PATJ: variants seen among roughly 807,000 people sequenced by gnomAD.
The protein encoded by PATJ is inaD-like protein.
Under a neutral mutation model 224.9 loss-of-function variants are expected in PATJ, and 190 were observed. The observed-to-expected ratio is 0.84, with a 90% confidence interval of 0.75 to 0.95. The LOEUF is 0.95. PATJ is among the 40% of genes least tolerant of loss of function. The probability of loss-of-function intolerance (pLI) is 0.00; values close to 1 mark genes in which losing one functional copy is unlikely to be tolerated. For synonymous variants in PATJ, 769 were observed against 820.3 expected (o/e 0.94, Z 1.07); for missense variants, 2,121 against 2,270.3 (o/e 0.93, Z 1.34).
At chr1:61,795,909 CTCTT>C (rs1426006471) in intron 10 of PATJ, among the ~76,000 whole-genome samples, 44 of 152,248 alleles carry the variant, frequency 2.9e-4, no homozygotes, top group African/African-American at 4.8e-5. Context: ...CATTAACCAG[CTCTT>C]TCTATCTTTT....
intron 42 of PATJ, among the ~76,000 whole-genome samples, chr1:62,150,208 T>TA (rs1047207265): frequency 6.6e-6 from 1 of 152,120 alleles, no homozygotes; most frequent in African/African-American, 2.4e-5. Flanking sequence ...CATTCACCTA[T>TA]AGGGGGCAAT....
chr1:61,888,436 A>T (rs112918997), intron 22 of PATJ, among the ~76,000 whole-genome samples: 7,996 of 151,506 alleles, frequency 0.053, 254 homozygotes, highest in African/African-American at 0.068. Context: ...GCCACCAAGC[A>T]TGGCTAATTT....
intron 28 of PATJ, among the ~76,000 whole-genome samples, chr1:62,008,437 G>A (rs1011899144): frequency 6.6e-6 from 1 of 152,156 alleles, no homozygotes; most frequent in Non-Finnish European, 1.5e-5. Flanking sequence ...ATGAATGTGG[G>A]AAAAAGATAT....
intron 1 of PATJ, among the ~76,000 whole-genome samples, chr1:61,755,624 C>T (rs147541260): frequency 8.5e-5 from 13 of 152,252 alleles, no homozygotes; most frequent in African/African-American, 2.9e-4. Context: ...AAAGACCAGT[C>T]TGCTTAGCAT....
At chr1:61,797,740 A>G (rs2148559812) in intron 11 of PATJ, among the ~76,000 whole-genome samples, 1 of 152,296 alleles carries the variant, frequency 6.6e-6, no homozygotes, top group South Asian at 2.1e-4. Flanking sequence ...TAAAGCTTTG[A>G]CACCTTTTGT....
chr1:61,757,679 C>T (rs1026076196), intron 1 of PATJ, among the ~76,000 whole-genome samples: 1 of 152,172 alleles, frequency 6.6e-6, no homozygotes, highest in African/African-American at 2.4e-5. Context: ...AGCCACTATG[C>T]CTGGCTCCCT....
intron 29 of PATJ, among the ~76,000 whole-genome samples, chr1:62,028,218 G>C (rs114949944): frequency 6.6e-6 from 1 of 151,996 alleles, no homozygotes; most frequent in Non-Finnish European, 1.5e-5. Context: ...TAGAGTTGAG[G>C]ATCTCTCTAT....
chr1:61,908,898 C>T (rs1392266489), intron 25 of PATJ, among the ~76,000 whole-genome samples: 2 of 152,156 alleles, frequency 1.3e-5, no homozygotes, highest in African/African-American at 2.4e-5. Flanking sequence ...AAAATAAAAA[C>T]GTGTTGACAT....
intron 17 of PATJ, among the ~76,000 whole-genome samples, chr1:61,852,806 T>C (rs1259063130): frequency 6.6e-6 from 1 of 152,140 alleles, no homozygotes; most frequent in African/African-American, 2.4e-5. Context: ...GCCACCTCAG[T>C]AGGCAGTAGC....
chr1:61,762,961 G>A lies in PATJ; in HGVS notation c.22+47G>A, dbSNP rs888622765. The A allele has an allele frequency of 3.3e-6, 5 of 1,516,916 alleles. No individual in the cohort carries two copies. The African/African-American group carries it at 5.6e-5, about 17-fold the overall frequency. The allele number at this position is 1,516,916 out of a possible 1,614,324, so 94.0% of individuals were successfully genotyped here. A position where few individuals can be genotyped will look rare whatever the true frequency, so the allele number is the denominator to read the frequency against. On this transcript the variant is annotated intron_variant, in intron 2 of 43. Coordinates refer to ENST00000642238, the MANE Select transcript of PATJ (RefSeq NM_001350145.3). ...ATAATTAAATTAATTATTTAAAAAT[G>A]GAATCTCAAATGGGACTTAACTATT...
intron 31 of PATJ, among the ~76,000 whole-genome samples, chr1:62,057,139 C>T (rs1654685564): frequency 6.6e-6 from 1 of 152,184 alleles, no homozygotes; most frequent in South Asian, 2.1e-4. Context: ...GAAACCTCAA[C>T]TCTAATCAAA....
chr1:61,980,333 G>A (rs1397273596), intron 27 of PATJ, among the ~76,000 whole-genome samples: 1 of 151,842 alleles, frequency 6.6e-6, no homozygotes, highest in Non-Finnish European at 1.5e-5. Context: ...TATAAAGATG[G>A]TTGTTGTTTT....
chr1:62,030,091 C>T (rs1056516782), intron 29 of PATJ, among the ~76,000 whole-genome samples: 1 of 151,948 alleles, frequency 6.6e-6, no homozygotes, highest in Non-Finnish European at 1.5e-5. Context: ...ATGAAAAGGA[C>T]ATGAATTAGG....
At chr1:61,871,444 C>CACATATGCGTATATATATGTATAT (rs1666462286) in intron 20 of PATJ, among the ~76,000 whole-genome samples, 1 of 11,192 alleles carries the variant, frequency 8.9e-5, no homozygotes, top group African/African-American at 2.6e-4. Flanking sequence ...TGTGTATATA[C>CACATATGCGTATATATATGTATAT]ACATATATAT....
chr1:62,159,550 G>T (rs890434883), intron 43 of PATJ, among the ~76,000 whole-genome samples: 1 of 126,100 alleles, frequency 7.9e-6, no homozygotes, highest in Non-Finnish European at 1.6e-5. Flanking sequence ...ACCTGATTTC[G>T]AATACTTTTT....
intron 22 of PATJ, among the ~76,000 whole-genome samples, chr1:61,895,532 C>A (rs971964781): frequency 3.3e-5 from 5 of 152,224 alleles, no homozygotes; most frequent in African/African-American, 4.8e-5. Context: ...GGGTGCAAGC[C>A]CCAAGCCTTG....
At position 61,805,497 on chromosome 1, in the gene PATJ, C is replaced by G; in HGVS notation, c.1599C>G (p.Asn533Lys). 6.2e-7 allele frequency: 1 copy of G among 1,601,838 alleles called. No individual in the cohort carries two copies. Among genetic ancestry groups the G allele is most frequent in the Non-Finnish European group, 8.6e-7 (1 of 1,169,062 alleles). The change falls in exon 13 of 44, where the codon AAC becomes AAG. Residue 533 changes from asparagine (N) to lysine (K), a missense_variant. Asn to Lys is a moderately conservative substitution (Grantham distance 94). Transcript: ENST00000642238. ...PENELKSRWE[N>K]LLGPDYEVMV... ...ATGAGCTGAAATCCAGATGGGAAAA[C>G]CTGTTGGGTCCTGATTATGAAGTAA...
chr1:61,984,247 C>T (rs576681260), intron 27 of PATJ, among the ~76,000 whole-genome samples: 2 of 151,302 alleles, frequency 1.3e-5, no homozygotes, highest in Admixed American at 6.6e-5. Context: ...TGCAACCTCC[C>T]CCTCCTGGGT....
chr1:62,155,355 G>A (rs1669075365), intron 43 of PATJ, among the ~76,000 whole-genome samples: 1 of 152,126 alleles, frequency 6.6e-6, no homozygotes, highest in Admixed American at 6.6e-5. Context: ...TAGACTGGTG[G>A]GCTGGGACCC....
Sources: allele counts gnomAD v4.1 joint callset (sites outside exome capture counted in the v4.1 genomes callset), GRCh38; gene constraint gnomAD v4.1.1; transcripts MANE v1.5; gene names NCBI Gene and HGNC (gene_info 2026-07-23, HGNC 2026-07-21).